GAS2: variants seen among roughly 807,000 people sequenced by gnomAD.
GAS2 encodes growth arrest specific 2.
A neutral mutation model predicts 37.5 loss-of-function variants in GAS2; 20 were observed. The ratio of observed to expected loss-of-function variants is 0.53; its 90% CI spans 0.37 to 0.77. The LOEUF (loss-of-function observed/expected upper bound fraction) is 0.77, where lower values mean the gene tolerates loss of function less well. Among genes scored for constraint, GAS2 ranks in the 30% least tolerant of loss-of-function variants. The probability of loss-of-function intolerance (pLI) is 0.00; values close to 1 mark genes in which losing one functional copy is unlikely to be tolerated. For missense variants in GAS2, 336 were observed against 373.4 expected (o/e 0.90, Z 0.82); for synonymous variants, 144 against 132.2 (o/e 1.09, Z -0.61).
chr11:22,784,395 T>A (rs1430736711), intron 7 of GAS2, among the ~76,000 whole-genome samples: 2 of 152,196 alleles, frequency 1.3e-5, no homozygotes, highest in African/African-American at 4.8e-5. Flanking sequence ...TTCAAGGTAC[T>A]TTCTAGGTCA....
chr11:22,686,755 AT>A (rs1849979401), intron 3 of GAS2, among the ~76,000 whole-genome samples: 1 of 152,112 alleles, frequency 6.6e-6, no homozygotes, highest in African/African-American at 2.4e-5. Context: ...ATCTAAAAAA[AT>A]AATAAAATAA....
chr11:22,701,556 C>T lies in GAS2; in HGVS notation c.267+15767C>T, dbSNP rs536858195. 1.1e-4 allele frequency among the ~76,000 whole-genome samples: 17 copies of T among 152,186 alleles called. No homozygotes were observed. The South Asian group carries it at 1.2e-3, about 11-fold the overall frequency. Reference sequence around the variant, plus strand: ...AAAATAGTTCGGAAAGGGCTGGGCGCGGTGGCTCACGCCTGTAATCCCAGC... The same window carrying T: ...AAAATAGTTCGGAAAGGGCTGGGCGTGGTGGCTCACGCCTGTAATCCCAGC... On this transcript the variant is annotated intron_variant, in intron 3 of 7. Coordinates refer to ENST00000454584, the MANE Select transcript of GAS2 (RefSeq NM_001143830.3).
chr11:22,722,571 A>G (rs1852000342), intron 3 of GAS2, among the ~76,000 whole-genome samples: 1 of 151,926 alleles, frequency 6.6e-6, no homozygotes, highest in African/African-American at 2.4e-5. Flanking sequence ...TTCATTATTC[A>G]TATTCAGTAA....
intron 3 of GAS2, among the ~76,000 whole-genome samples, chr11:22,690,439 T>C (rs1850186754): frequency 6.6e-6 from 1 of 152,156 alleles, no homozygotes; most frequent in African/African-American, 2.4e-5. Context: ...AACCTTAGCC[T>C]TTGTGTAGTG....
intron 3 of GAS2, among the ~76,000 whole-genome samples, chr11:22,717,965 T>G (rs1366773206): frequency 6.6e-6 from 1 of 151,974 alleles, no homozygotes; most frequent in East Asian, 1.9e-4. Context: ...AATCAAAAAA[T>G]AATAGATGTT....
rs550660640 is a variant in GAS2 at position 22,777,170 on chromosome 11, T to A, written c.723+21217T>A. 2.6e-3 allele frequency among the ~76,000 whole-genome samples: 399 copies of A among 152,322 alleles called. 2 individuals carry two copies. The highest frequency in any genetic ancestry group is 9.2e-3 in the African/African-American group (383 of 41,584). On this transcript the variant is annotated intron_variant, in intron 7 of 7. Coordinates refer to ENST00000454584, the MANE Select transcript of GAS2 (RefSeq NM_001143830.3). ...ACGAGTTGTTTTATGTGTACTGTAGTTGTTGTTAAATCCTAAGCCATACAA... is the reference window on the plus strand; with the variant it reads ...ACGAGTTGTTTTATGTGTACTGTAGATGTTGTTAAATCCTAAGCCATACAA...
At chr11:22,777,781 A>G (rs1355865627) in intron 7 of GAS2, among the ~76,000 whole-genome samples, 1 of 152,198 alleles carries the variant, frequency 6.6e-6, no homozygotes, top group Non-Finnish European at 1.5e-5. Context: ...TGGCATTTTA[A>G]CCTGAAGGCA....
intron 1 of GAS2, among the ~76,000 whole-genome samples, chr11:22,648,995 A>G (rs1211212602): frequency 1.3e-4 from 20 of 152,116 alleles, no homozygotes; most frequent in Admixed American, 9.2e-4. Flanking sequence ...GTCTTGTGCC[A>G]GTTGTCAAAG....
At chr11:22,752,520 G>A (rs544385295) in intron 6 of GAS2, among the ~76,000 whole-genome samples, 1 of 151,962 alleles carries the variant, frequency 6.6e-6, no homozygotes, top group South Asian at 2.1e-4. Flanking sequence ...GGTTGAAAAT[G>A]ATGTACTCCA....
chr11:22,630,899 T>G (rs990746697), intron 1 of GAS2, among the ~76,000 whole-genome samples: 1 of 152,322 alleles, frequency 6.6e-6, no homozygotes, highest in East Asian at 1.9e-4. Flanking sequence ...AGTATTTTAA[T>G]AGGAACTGCA....
intron 5 of GAS2, among the ~76,000 whole-genome samples, chr11:22,745,459 G>T (rs1283846172): frequency 6.6e-6 from 1 of 151,996 alleles, no homozygotes; most frequent in Non-Finnish European, 1.5e-5. Context: ...ACAAAAATTA[G>T]CTCAAGATAC....
intron 6 of GAS2, chr11:22,755,642 G>A: frequency 2.2e-6 from 1 of 462,768 alleles, no homozygotes; most frequent in Non-Finnish European, 3.9e-6. Flanking sequence ...ATGCCTTAGT[G>A]CAGTCATTTG....
At chr11:22,691,814 T>C (rs1443458101) in intron 3 of GAS2, among the ~76,000 whole-genome samples, 1 of 152,112 alleles carries the variant, frequency 6.6e-6, no homozygotes, top group Non-Finnish European at 1.5e-5. Context: ...ATACACTAAT[T>C]TTTTTATTTA....
At chr11:22,679,311 A>G (rs917783931) in intron 2 of GAS2, among the ~76,000 whole-genome samples, 23 of 152,116 alleles carry the variant, frequency 1.5e-4, no homozygotes, top group African/African-American at 5.3e-4. Context: ...TACATTAAAT[A>G]TACACATTTC....
chr11:22,661,743 C>A (rs1164531111), upstream of GAS2, among the ~76,000 whole-genome samples: 2 of 152,110 alleles, frequency 1.3e-5, no homozygotes, highest in African/African-American at 2.4e-5. Context: ...ATCAAGTCTA[C>A]CAATAACAAT....
chr11:22,773,292 C>A (rs1483606019), intron 7 of GAS2, among the ~76,000 whole-genome samples: 1 of 151,940 alleles, frequency 6.6e-6, no homozygotes, highest in Non-Finnish European at 1.5e-5. Context: ...TACATCTGGG[C>A]CCGGTTTTCC....
intron 7 of GAS2, among the ~76,000 whole-genome samples, chr11:22,795,490 T>C (rs1008679882): frequency 1.1e-4 from 16 of 152,012 alleles, no homozygotes; most frequent in Non-Finnish European, 1.6e-4. Flanking sequence ...AGCAAGGGCA[T>C]GAAGGAGGTG....
chr11:22,771,359 G>A (rs1854972554), intron 7 of GAS2, among the ~76,000 whole-genome samples: 1 of 151,986 alleles, frequency 6.6e-6, no homozygotes, highest in East Asian at 1.9e-4. Context: ...TACATTTATA[G>A]AATAAAAAAT....
intron 3 of GAS2, among the ~76,000 whole-genome samples, chr11:22,721,193 A>G (rs115409846): frequency 0.012 from 1,896 of 152,120 alleles, 40 homozygotes; most frequent in African/African-American, 0.044. Flanking sequence ...CACTTACAAC[A>G]TGAGTACCCT....
Sources: allele counts gnomAD v4.1 joint callset (sites outside exome capture counted in the v4.1 genomes callset), GRCh38; gene constraint gnomAD v4.1.1; transcripts MANE v1.5; gene names NCBI Gene and HGNC (gene_info 2026-07-23, HGNC 2026-07-21).